ARMC2: variants seen among roughly 807,000 people sequenced by gnomAD.
ARMC2 encodes armadillo repeat-containing protein 2.
A neutral mutation model predicts 90.3 loss-of-function variants in ARMC2; 67 were observed. The ratio of observed to expected loss-of-function variants is 0.74; its 90% CI spans 0.61 to 0.91. The LOEUF is 0.91. Ranked by LOEUF, ARMC2 falls within the 40% of genes least tolerant of loss-of-function variation. The pLI is 0.00. For missense variants in ARMC2, 920 were observed against 1,030.9 expected, an observed-to-expected ratio of 0.89 and a Z score of 1.47; for synonymous variants, 393 against 393.0, an observed-to-expected ratio of 1.00 and a Z score of 0.00.
At chr6:108,858,610 TTTATA>T (rs1470754722) in intron 3 of ARMC2, among the ~76,000 whole-genome samples, 4 of 150,630 alleles carry the variant, frequency 2.7e-5, no homozygotes, top group African/African-American at 4.9e-5. Flanking sequence ...AGATGTATAA[TTTATA>T]TTAAAGTTAT....
chr6:109,052,232 A>T, the ARMC2 span, among the ~76,000 whole-genome samples: 2 of 152,248 alleles, frequency 1.3e-5, no homozygotes, highest in Non-Finnish European at 2.9e-5. Flanking sequence ...GTAGTTGCTC[A>T]GTAAATAATT....
At chr6:108,917,031 G>A (rs1307517052) in intron 10 of ARMC2, among the ~76,000 whole-genome samples, 1 of 152,228 alleles carries the variant, frequency 6.6e-6, no homozygotes, top group African/African-American at 2.4e-5. Context: ...GGTGTACAAT[G>A]TAACTATTAA....
At chr6:109,003,405 T>A in the ARMC2 span, among the ~76,000 whole-genome samples, 1 of 151,964 alleles carries the variant, frequency 6.6e-6, no homozygotes, top group African/African-American at 2.4e-5. Context: ...GAGAAGGACA[T>A]GTGTCAGCAA....
chr6:108,902,772 AT>A (rs1237558143), intron 7 of ARMC2, among the ~76,000 whole-genome samples: 1 of 152,174 alleles, frequency 6.6e-6, no homozygotes, highest in Non-Finnish European at 1.5e-5. Context: ...CTACTTTTAA[AT>A]TTCATGAAGG....
intron 4 of ARMC2, 146 bp from the exon 5 acceptor site, chr6:108,875,997 G>A (rs1388751369): frequency 2.8e-6 from 2 of 716,202 alleles, no homozygotes. Flanking sequence ...GCTCAGAAAG[G>A]CTTTGGCCAT....
chr6:108,967,933 A>C (rs1372405657), intron 17 of ARMC2, among the ~76,000 whole-genome samples: 1 of 151,898 alleles, frequency 6.6e-6, no homozygotes, highest in Non-Finnish European at 1.5e-5. Flanking sequence ...GGCCCTTCCC[A>C]CGTAGCTTCT....
the ARMC2 span, among the ~76,000 whole-genome samples, chr6:109,050,079 G>A: frequency 2.6e-5 from 4 of 152,168 alleles, no homozygotes; most frequent in Non-Finnish European, 5.9e-5. Context: ...GGCCAATTTA[G>A]TGAAAAAGCC....
At chr6:108,906,806 G>C (rs1370063959) in intron 8 of ARMC2, among the ~76,000 whole-genome samples, 2 of 152,130 alleles carry the variant, frequency 1.3e-5, no homozygotes, top group Non-Finnish European at 2.9e-5. Context: ...TTGACACTGG[G>C]AATACAAGTG....
the ARMC2 span, chr6:108,998,395 G>A: frequency 8.7e-7 from 1 of 1,152,014 alleles, no homozygotes. Flanking sequence ...AGATATAGGG[G>A]CCCAATATCT....
At chr6:108,870,959 G>C (rs1178172330) in intron 4 of ARMC2, among the ~76,000 whole-genome samples, 1 of 152,182 alleles carries the variant, frequency 6.6e-6, no homozygotes, top group Non-Finnish European at 1.5e-5. Context: ...TAATGGACTC[G>C]AGAGTGACTG....
chr6:108,908,227 G>A (rs1773003508), intron 8 of ARMC2, among the ~76,000 whole-genome samples: 1 of 152,188 alleles, frequency 6.6e-6, no homozygotes, highest in African/African-American at 2.4e-5. Context: ...CACTCCTCAA[G>A]TGCAAAGTGT....
chr6:108,998,798 G>A, the ARMC2 span: 2 of 1,564,606 alleles, frequency 1.3e-6, no homozygotes, highest in East Asian at 2.3e-5. Flanking sequence ...GTACTGGGGT[G>A]TGGTAAAAGT....
At chr6:108,969,033 T>C (rs1778574293) in intron 17 of ARMC2, among the ~76,000 whole-genome samples, 2 of 152,144 alleles carry the variant, frequency 1.3e-5, no homozygotes, top group African/African-American at 4.8e-5. Context: ...CATGAGCCCC[T>C]CTGTGGGGAG....
the ARMC2 span, among the ~76,000 whole-genome samples, chr6:109,020,757 A>C: frequency 6.6e-6 from 1 of 152,172 alleles, no homozygotes; most frequent in Non-Finnish European, 1.5e-5. Context: ...TGCAATATAG[A>C]CACAAAAACA....
At chr6:108,956,074 T>C (rs1300035849) in intron 13 of ARMC2, among the ~76,000 whole-genome samples, 1 of 152,220 alleles carries the variant, frequency 6.6e-6, no homozygotes, top group Non-Finnish European at 1.5e-5. Context: ...TTAGCTTTTC[T>C]GGCTCCTCAG....
intron 10 of ARMC2, among the ~76,000 whole-genome samples, chr6:108,923,756 G>A (rs1774837123): frequency 6.6e-6 from 1 of 151,968 alleles, no homozygotes; most frequent in African/African-American, 2.4e-5. Context: ...GGCCTTCAGA[G>A]CTGCATCTGC....
downstream of ARMC2, among the ~76,000 whole-genome samples, chr6:108,978,753 CTTCT>C (rs1286722449): frequency 4.6e-5 from 7 of 151,850 alleles, no homozygotes; most frequent in African/African-American, 1.2e-4. Flanking sequence ...AGGTAATGCC[CTTCT>C]TTGTCTCTTT....
rs568414236 is a variant in ARMC2, at chr6:108,955,528, G to A, written c.1915+2177G>A. Among the ~76,000 whole-genome samples, 8 of 152,286 alleles carry A rather than the reference G, an allele frequency of 5.3e-5. No individual in the cohort carries two copies. In the East Asian group the frequency reaches 1.5e-3, roughly 29 times the overall value. ...TTCACAGGTCACAAAGTTAGCAAGT[G>A]GCAAAGTCACCGGGCCCCTGACCTG... On this transcript the variant is annotated intron_variant, in intron 13 of 17. Coordinates refer to ENST00000392644, the MANE Select transcript of ARMC2 (RefSeq NM_032131.6).
At chr6:109,009,260 G>T in the ARMC2 span, 39 of 1,122,126 alleles carry the variant, frequency 3.5e-5, no homozygotes, top group Non-Finnish European at 4.5e-5. Flanking sequence ...GGGAGCGACT[G>T]TGAGGAGGCA....
Sources: gnomAD v4.1 joint callset for allele counts (sites outside exome capture counted in the v4.1 genomes callset) on GRCh38, gnomAD v4.1.1 for gene constraint, MANE v1.5 for transcripts, NCBI Gene and HGNC (gene_info 2026-07-23, HGNC 2026-07-21) for gene names.